Variants in WDR17 observed in about 807,000 individuals in gnomAD.
WDR17 encodes WD repeat domain 17.
A neutral mutation model predicts 161.7 loss-of-function variants in WDR17; 143 were observed. The observed-to-expected ratio is 0.88, with a 90% CI of 0.77 to 1.02. WDR17 has a LOEUF of 1.02. Among genes scored for constraint, WDR17 ranks in the 50% least tolerant of loss-of-function variants. WDR17 has a pLI of 0.00. For missense variants in WDR17, 1,469 were observed against 1,520.9 expected (o/e 0.97, Z 0.57); for synonymous variants, 517 against 515.6 (o/e 1.00, Z -0.04).
At chr4:176,080,447 T>TA (rs1187093173) in intron 1 of WDR17, among the ~76,000 whole-genome samples, 10 of 151,332 alleles carry the variant, frequency 6.6e-5, no homozygotes, top group African/African-American at 2.4e-4. Flanking sequence ...CAAAAAGATT[T>TA]TAAAAAAACA....
chr4:176,145,764 A>G (rs569660593), intron 11 of WDR17, among the ~76,000 whole-genome samples: 1 of 152,336 alleles, frequency 6.6e-6, no homozygotes, highest in Admixed American at 6.5e-5. Flanking sequence ...AATAAAATAA[A>G]AATTCAACCA....
intron 1 of WDR17, among the ~76,000 whole-genome samples, chr4:176,075,618 A>T (rs1346447168): frequency 6.6e-6 from 1 of 152,194 alleles, no homozygotes; most frequent in Non-Finnish European, 1.5e-5. Flanking sequence ...TAAGAGGAAT[A>T]CATGTGTAAA....
chr4:176,166,310 C>T (rs1300828743), intron 22 of WDR17, among the ~76,000 whole-genome samples: 1 of 151,962 alleles, frequency 6.6e-6, no homozygotes, highest in Non-Finnish European at 1.5e-5. Flanking sequence ...AACCTGACTA[C>T]AAAGTAATGA....
At chr4:176,122,363 G>T (rs1343284869) in intron 4 of WDR17, among the ~76,000 whole-genome samples, 1 of 152,110 alleles carries the variant, frequency 6.6e-6, no homozygotes, top group Non-Finnish European at 1.5e-5. Flanking sequence ...CAGGTACTGG[G>T]GCTTAGGACT....
In WDR17 at chr4:176,181,095, C is replaced by G. The variant is rs1229913798; in HGVS notation, c.*1516C>G. The G allele has an allele frequency of 6.6e-6, 1 of 151,842 alleles. No individual in the cohort carries two copies. 9.4% of individuals were successfully genotyped at this position (151,842 alleles called of 1,614,324 possible). On this transcript the variant is annotated 3_prime_UTR_variant, in exon 29 of 29. Coordinates refer to ENST00000508596, the MANE Select transcript of WDR17 (RefSeq NM_181265.4). ...ACCTTCTTAACAAAACTTCTTAAAA[C>G]TGGAAAAAATATATATTATGTATCT...
intron 1 of WDR17, among the ~76,000 whole-genome samples, chr4:176,101,366 C>T (rs1737800295): frequency 6.6e-6 from 1 of 152,118 alleles, no homozygotes; most frequent in African/African-American, 2.4e-5. Context: ...CTATTTACAG[C>T]ACTTTCTTTT....
At chr4:176,082,244 G>A (rs1384937082) in intron 1 of WDR17, among the ~76,000 whole-genome samples, 1 of 151,894 alleles carries the variant, frequency 6.6e-6, no homozygotes, top group African/African-American at 2.4e-5. Flanking sequence ...TAATACATTT[G>A]GTAAGGCAAA....
chr4:176,150,540 C>T lies in WDR17; in HGVS notation c.2251C>T (p.Gln751Ter), dbSNP rs1746951368. 1 of 1,611,896 alleles carries T rather than the reference C, an allele frequency of 6.2e-7. No individual in the cohort carries two copies. ...AGGACAGGATGATAGCTTACTTCCT[C>T]AGAACTACTGCAAAGGAATAATGCA... ...IKGQDDSLLPQNYCKGIMHLK... is the reference protein window; with the variant it reads ...IKGQDDSLLP Residue 751 changes from glutamine (Q) to a stop codon, truncating the protein, a stop_gained, in exon 16 of 29, where the codon CAG (glutamine) becomes TAG (stop). Coordinates refer to ENST00000508596, the MANE Select transcript of WDR17 (RefSeq NM_181265.4). LOFTEE classifies it high-confidence loss of function.
intron 1 of WDR17, among the ~76,000 whole-genome samples, chr4:176,092,034 A>G (rs1489572707): frequency 1.3e-5 from 2 of 152,140 alleles, no homozygotes; most frequent in Non-Finnish European, 2.9e-5. Context: ...AAAAACCAGT[A>G]CCAAATTTCC....
At chr4:176,096,665 C>A in intron 1 of WDR17, 1 of 1,147,966 alleles carries the variant, frequency 8.7e-7, no homozygotes, top group South Asian at 1.6e-5. Flanking sequence ...ATATCTGTGT[C>A]ATTTATATCG....
chr4:176,078,613 C>T lies in WDR17; in HGVS notation c.-7+12534C>T, dbSNP rs376315082. On this transcript the variant is annotated intron_variant, in intron 1 of 28. Transcript: ENST00000508596. ...CAAAATAGAACTTTGAATCTTGAAA[C>T]TTGTGGGAACGAAATTCTTCAACTG... Among the ~76,000 whole-genome samples the T allele has an allele frequency of 9.2e-5, 14 of 152,186 alleles. No homozygotes were observed. In the East Asian group the frequency reaches 1.9e-3, roughly 21 times the overall value.
chr4:176,150,347 A>C, intron 15 of WDR17, 121 bp from the exon 16 acceptor site: 2 of 1,446,916 alleles, frequency 1.4e-6, no homozygotes, highest in Admixed American at 2.5e-5. Flanking sequence ...ATGAGATAAC[A>C]TGTAGTTATT....
intron 1 of WDR17, chr4:176,068,530 G>A (rs1239228523): frequency 6.6e-6 from 1 of 152,120 alleles, no homozygotes; most frequent in Admixed American, 6.5e-5. Flanking sequence ...AACCCAGGAG[G>A]CCCGGAGGTT....
intron 1 of WDR17, among the ~76,000 whole-genome samples, chr4:176,109,323 T>TAA (rs879896575): frequency 4.1e-4 from 59 of 145,124 alleles, no homozygotes; most frequent in African/African-American, 1.4e-3. Flanking sequence ...TTACTAAGTG[T>TAA]AAAAAAAAAA....
chr4:176,124,160 C>G (rs1258587697), intron 4 of WDR17, among the ~76,000 whole-genome samples: 1 of 152,194 alleles, frequency 6.6e-6, no homozygotes, highest in Non-Finnish European at 1.5e-5. Context: ...AAGAAACACA[C>G]TTCCTTTACG....
At chr4:176,155,121 A>T (rs76406002) in intron 17 of WDR17, among the ~76,000 whole-genome samples, 9 of 152,162 alleles carry the variant, frequency 5.9e-5, no homozygotes, top group African/African-American at 2.2e-4. Flanking sequence ...AATATTTTGA[A>T]CACCATGGAA....
intron 17 of WDR17, among the ~76,000 whole-genome samples, chr4:176,155,703 T>C (rs1747994249): frequency 8.7e-6 from 1 of 115,270 alleles, no homozygotes; most frequent in African/African-American, 3.7e-5. Context: ...CACCACCACA[T>C]CTGACTAATT....
At chr4:176,125,843 A>G (rs2126738360) in intron 5 of WDR17, among the ~76,000 whole-genome samples, 1 of 152,324 alleles carries the variant, frequency 6.6e-6, no homozygotes, top group African/African-American at 2.4e-5. Context: ...TTTATAGTTT[A>G]TAGTAATCTA....
At chr4:176,175,534 TTTTATTTG>T (rs1370669037) in intron 26 of WDR17, among the ~76,000 whole-genome samples, 39 of 84,058 alleles carry the variant, frequency 4.6e-4, no homozygotes, top group African/African-American at 1.4e-3. Flanking sequence ...TTAAGCAGTC[TTTTATTTG>T]TTTGTTTGTT....
Sources: allele counts gnomAD v4.1 joint callset (sites outside exome capture counted in the v4.1 genomes callset), GRCh38; gene constraint gnomAD v4.1.1; transcripts MANE v1.5; gene names NCBI Gene and HGNC (gene_info 2026-07-23, HGNC 2026-07-21).